The following TANGO6 variants were observed in gnomAD, a reference collection of about 807,000 sequenced individuals.
TANGO6 encodes the protein transport and Golgi organization protein 6 homolog.
Under a neutral mutation model 114.2 loss-of-function variants are expected in TANGO6, and 90 were observed. That is an observed-to-expected ratio of 0.79 (90% CI 0.66 to 0.94). The LOEUF (loss-of-function observed/expected upper bound fraction) is 0.94. TANGO6 is among the 40% of genes least tolerant of loss of function. The pLI, the probability that TANGO6 is intolerant of heterozygous loss-of-function variation, is 0.00. For synonymous variants in TANGO6, 477 were observed against 509.8 expected (o/e 0.94, Z 0.87); for missense variants, 1,274 against 1,315.3 (o/e 0.97, Z 0.49).
chr16:69,035,527 T>G (rs1050355035), intron 16 of TANGO6: 7 of 152,220 alleles, frequency 4.6e-5, no homozygotes, highest in Non-Finnish European at 1.0e-4. Context: ...TTATCTTTAT[T>G]TATATAGTTC....
At chr16:68,880,907 T>G (rs1176783787) in intron 7 of TANGO6, among the ~76,000 whole-genome samples, 1 of 152,152 alleles carries the variant, frequency 6.6e-6, no homozygotes, top group African/African-American at 2.4e-5. Context: ...GGTTTTCACT[T>G]TGAAAACCAG....
intron 16 of TANGO6, among the ~76,000 whole-genome samples, chr16:69,029,278 G>A (rs376583898): frequency 1.3e-5 from 2 of 152,288 alleles, no homozygotes; most frequent in Admixed American, 1.3e-4. Context: ...TGAGAGCCCA[G>A]CTACACCATC....
chr16:69,005,841 A>G (rs1401394766), intron 15 of TANGO6, among the ~76,000 whole-genome samples: 1 of 151,680 alleles, frequency 6.6e-6, no homozygotes, highest in Non-Finnish European at 1.5e-5. Context: ...CCCAGCCCCT[A>G]TTCAAGGTGG....
chr16:68,958,910 T>C (rs1396033583), intron 14 of TANGO6, among the ~76,000 whole-genome samples: 2 of 151,636 alleles, frequency 1.3e-5, no homozygotes, highest in Non-Finnish European at 1.5e-5. Context: ...TGCACTCCAG[T>C]CTGGTTATCA....
In TANGO6 at chr16:69,046,842, A is replaced by G. The variant is rs1047682237; in HGVS notation, c.3108+6421A>G. On this transcript the variant is annotated intron_variant, in intron 17 of 17. Coordinates refer to ENST00000261778, the MANE Select transcript of TANGO6 (RefSeq NM_024562.2). ...AAAGATGGAGTACTAGAAATTATAT[A>G]ATGTGAAGAACAGAGAGGAAAAAGA... Among the ~76,000 whole-genome samples, 3 of 152,152 alleles carry G rather than the reference A, an allele frequency of 2.0e-5. No individual in the cohort carries two copies. In the East Asian group the frequency reaches 5.8e-4, roughly 29 times the overall value.
At chr16:68,879,522 T>C (rs1336560242) in intron 6 of TANGO6, among the ~76,000 whole-genome samples, 1 of 152,072 alleles carries the variant, frequency 6.6e-6, no homozygotes, top group African/African-American at 2.4e-5. Context: ...TTAAAACTTT[T>C]TGAAGGGAAA....
At chr16:68,865,262 C>T (rs1962158370) in intron 3 of TANGO6, among the ~76,000 whole-genome samples, 1 of 142,084 alleles carries the variant, frequency 7.0e-6, no homozygotes, top group Admixed American at 7.3e-5. Context: ...GGCTACTGAG[C>T]GAGACTCCGT....
intron 12 of TANGO6, among the ~76,000 whole-genome samples, chr16:68,923,886 C>T (rs1963130780): frequency 6.6e-6 from 1 of 152,196 alleles, no homozygotes; most frequent in Admixed American, 6.5e-5. Context: ...ACACTGCCCT[C>T]ACCCATAGTG....
chr16:68,910,210 C>T (rs543749059), intron 11 of TANGO6, among the ~76,000 whole-genome samples: 2 of 152,294 alleles, frequency 1.3e-5, no homozygotes, highest in African/African-American at 4.8e-5. Flanking sequence ...CATCTGCCTT[C>T]GGGTGTTGCT....
intron 11 of TANGO6, among the ~76,000 whole-genome samples, chr16:68,914,946 T>C (rs1181894698): frequency 6.9e-6 from 1 of 143,954 alleles, no homozygotes; most frequent in Non-Finnish European, 1.5e-5. Flanking sequence ...TCATACTACT[T>C]GTTTTGATAT....
At chr16:69,063,056 C>T (rs1301573655) in intron 17 of TANGO6, among the ~76,000 whole-genome samples, 3 of 151,840 alleles carry the variant, frequency 2.0e-5, no homozygotes, top group Non-Finnish European at 4.4e-5. Context: ...GGTGAAACCC[C>T]GTCTCTACTA....
intron 17 of TANGO6, among the ~76,000 whole-genome samples, chr16:69,077,774 G>A (rs1208442072): frequency 6.6e-6 from 1 of 152,080 alleles, no homozygotes; most frequent in East Asian, 1.9e-4. Flanking sequence ...GGTTGGCAGT[G>A]AGCTGAGATA....
At chr16:69,018,288 C>G (rs1204632505) in intron 15 of TANGO6, among the ~76,000 whole-genome samples, 1 of 150,982 alleles carries the variant, frequency 6.6e-6, no homozygotes, top group Non-Finnish European at 1.5e-5. Flanking sequence ...GGACTACAGG[C>G]GCCCGCCACC....
At chr16:68,893,462 A>G (rs1456994229) in intron 7 of TANGO6, among the ~76,000 whole-genome samples, 1 of 152,158 alleles carries the variant, frequency 6.6e-6, no homozygotes, top group African/African-American at 2.4e-5. Flanking sequence ...TGAAGTGGCC[A>G]GGCACAGTGG....
intron 17 of TANGO6, among the ~76,000 whole-genome samples, chr16:69,080,408 A>G (rs1013796041): frequency 6.6e-6 from 1 of 152,130 alleles, no homozygotes; most frequent in Non-Finnish European, 1.5e-5. Flanking sequence ...AAAAATGCCA[A>G]GCATGGTGGT....
chr16:69,066,130 G>T (rs757526429), intron 17 of TANGO6, among the ~76,000 whole-genome samples: 71 of 152,016 alleles, frequency 4.7e-4, no homozygotes, highest in Admixed American at 7.9e-4. Context: ...ACTGTGTTCA[G>T]ACTACATTAA....
intron 15 of TANGO6, among the ~76,000 whole-genome samples, chr16:69,008,306 C>A (rs1964113663): frequency 6.6e-6 from 1 of 152,138 alleles, no homozygotes; most frequent in African/African-American, 2.4e-5. Flanking sequence ...TTGATGAAGT[C>A]CAAAGTATGC....
At chr16:69,043,590 C>A (rs1316976113) in intron 17 of TANGO6, among the ~76,000 whole-genome samples, 1 of 152,140 alleles carries the variant, frequency 6.6e-6, no homozygotes, top group Non-Finnish European at 1.5e-5. Flanking sequence ...AAGGGATGAA[C>A]AGATGATTCC....
intron 1 of TANGO6, among the ~76,000 whole-genome samples, chr16:68,849,648 A>T (rs892988787): frequency 2.0e-5 from 3 of 152,012 alleles, no homozygotes; most frequent in Admixed American, 6.6e-5. Context: ...TGACAGAGTG[A>T]GACCCTGTCT....
Sources: allele counts gnomAD v4.1 joint callset (sites outside exome capture counted in the v4.1 genomes callset), GRCh38; gene constraint gnomAD v4.1.1; transcripts MANE v1.5; gene names NCBI Gene and HGNC (gene_info 2026-07-23, HGNC 2026-07-21).